The following SHISAL1 variants were observed in gnomAD, a reference collection of about 807,000 sequenced individuals.
SHISAL1 encodes shisa like 1.
Under a neutral mutation model 22.6 loss-of-function variants are expected in SHISAL1, and 9 were observed. The observed-to-expected ratio is 0.40, with a 90% CI of 0.24 to 0.70. The LOEUF (loss-of-function observed/expected upper bound fraction) is 0.70, where lower values mean the gene tolerates loss of function less well. SHISAL1 is among the 30% of genes least tolerant of loss of function. The pLI is 0.39. For synonymous variants in SHISAL1, 119 were observed against 115.4 expected, an observed-to-expected ratio of 1.03 and a Z score of -0.20; for missense variants, 246 against 270.6, an observed-to-expected ratio of 0.91 and a Z score of 0.64.
Position 44,246,465 on chromosome 22 carries a change from G to GCTAAAAAACAGTAACT in SHISAL1, c.*3204_*3219dup, listed in dbSNP as rs1165186877. The GCTAAAAAACAGTAACT allele has an allele frequency of 1.3e-5, 2 of 152,118 alleles. No individual in the cohort carries two copies. Among genetic ancestry groups the GCTAAAAAACAGTAACT allele is most frequent in the African/African-American group, 4.8e-5 (2 of 41,410 alleles). The allele number at this position is 152,118 out of a possible 1,614,324, so 9.4% of individuals were successfully genotyped here. A position where few individuals can be genotyped will look rare whatever the true frequency, so the allele number is the denominator to read the frequency against. On this transcript the variant is annotated 3_prime_UTR_variant, in exon 5 of 5. Transcript: ENST00000381176. ...GCAGCTTAAAAAATCAGGTTGAGTT[G>GCTAAAAAACAGTAACT]CTAAAAAACAGTAACTCTAGCTATG...
At chr22:44,259,225 C>T (rs1285250314) in intron 4 of SHISAL1, among the ~76,000 whole-genome samples, 2 of 152,118 alleles carry the variant, frequency 1.3e-5, no homozygotes, top group South Asian at 4.1e-4. Flanking sequence ...GGGCGGATCA[C>T]GAGGTCAGGA....
intron 4 of SHISAL1, among the ~76,000 whole-genome samples, chr22:44,284,207 G>A (rs907867674): frequency 6.6e-6 from 1 of 151,992 alleles, no homozygotes; most frequent in Non-Finnish European, 1.5e-5. Context: ...CTATGTGAAC[G>A]ATCACTAACT....
At chr22:44,253,133 A>C (rs1345117257) in intron 4 of SHISAL1, among the ~76,000 whole-genome samples, 1 of 152,218 alleles carries the variant, frequency 6.6e-6, no homozygotes, top group Non-Finnish European at 1.5e-5. Flanking sequence ...TTAAAATGAT[A>C]AACGTTATGT....
At chr22:44,286,662 C>T (rs1443191390) in intron 3 of SHISAL1, among the ~76,000 whole-genome samples, 5 of 152,212 alleles carry the variant, frequency 3.3e-5, no homozygotes, top group Non-Finnish European at 7.3e-5. Context: ...GTCTTCTGGC[C>T]CACAGCCCTG....
chr22:44,329,284 A>C, the SHISAL1 span, among the ~76,000 whole-genome samples: 2 of 152,104 alleles, frequency 1.3e-5, no homozygotes, highest in African/African-American at 2.4e-5. Context: ...AGTGGCTCTC[A>C]GCTGGTCTCA....
At chr22:44,306,844 C>T (rs2055481996) in intron 1 of SHISAL1, among the ~76,000 whole-genome samples, 1 of 143,684 alleles carries the variant, frequency 7.0e-6, no homozygotes, top group African/African-American at 2.6e-5. Context: ...GCTCGGGGAG[C>T]TGTGATGACG....
chr22:44,318,345 G>A, the SHISAL1 span, among the ~76,000 whole-genome samples: 1 of 152,270 alleles, frequency 6.6e-6, no homozygotes, highest in South Asian at 2.1e-4. Flanking sequence ...AATTTCTGGG[G>A]AATGGAGAGG....
At chr22:44,324,649 T>C in the SHISAL1 span, among the ~76,000 whole-genome samples, 2 of 152,220 alleles carry the variant, frequency 1.3e-5, no homozygotes, top group African/African-American at 4.8e-5. Context: ...AGGGGTTATA[T>C]AACTTGCCCA....
At chr22:44,279,611 C>T (rs576332453) in intron 4 of SHISAL1, among the ~76,000 whole-genome samples, 18 of 152,240 alleles carry the variant, frequency 1.2e-4, no homozygotes, top group East Asian at 3.9e-4. Flanking sequence ...GGGTTCTAGG[C>T]GCAGGGAGAA....
intron 3 of SHISAL1, among the ~76,000 whole-genome samples, chr22:44,287,042 A>G (rs545057427): frequency 6.6e-6 from 1 of 151,714 alleles, no homozygotes; most frequent in Non-Finnish European, 1.5e-5. Context: ...TCTCGCGGGC[A>G]GCAGATCCTT....
intron 1 of SHISAL1, among the ~76,000 whole-genome samples, chr22:44,308,480 C>T (rs1391217097): frequency 2.0e-5 from 3 of 152,248 alleles, no homozygotes; most frequent in East Asian, 1.9e-4. Context: ...TCATGCTGTT[C>T]CCCTGTGCTA....
intron 3 of SHISAL1, among the ~76,000 whole-genome samples, chr22:44,289,782 T>G (rs2055340836): frequency 6.6e-6 from 1 of 152,222 alleles, no homozygotes; most frequent in Admixed American, 6.5e-5. Context: ...AAAACTTTTG[T>G]AAATGTAATG....
At chr22:44,292,607 G>T (rs1428338974) in intron 3 of SHISAL1, among the ~76,000 whole-genome samples, 1 of 152,212 alleles carries the variant, frequency 6.6e-6, no homozygotes, top group Non-Finnish European at 1.5e-5. Context: ...CACAGAGGTG[G>T]ACTCTACCTG....
chr22:44,300,916 G>A lies in SHISAL1; in HGVS notation c.30C>T (p.Asn10=), dbSNP rs998343799. 9.3e-6 allele frequency: 15 copies of A among 1,614,036 alleles called. No homozygotes were observed. Among genetic ancestry groups the A allele is most frequent in the African/African-American group, 2.7e-5 (2 of 74,946 alleles). The stretch of plus-strand genomic sequence containing the variant: ...GCAATGAGAAGAGGACGGCGAGCAC[G>A]TTCAAGGACTGCTGGCCACAACTGG... MTSCGQQSL[N]VLAVLFSLLF... is the part of the protein sequence containing the mutation. Residue 10 remains asparagine, a synonymous_variant, in exon 2 of 5, where the codon AAC becomes AAT. Transcript: ENST00000381176.
At chr22:44,253,236 A>C (rs4518064) in intron 4 of SHISAL1, among the ~76,000 whole-genome samples, 19,249 of 152,150 alleles carry the variant, frequency 0.13, 1,365 homozygotes, top group East Asian at 0.31. Flanking sequence ...TAATATCAGA[A>C]AAAGCTGAAG....
At chr22:44,271,315 C>A (rs902692557) in intron 4 of SHISAL1, among the ~76,000 whole-genome samples, 1 of 152,170 alleles carries the variant, frequency 6.6e-6, no homozygotes, top group African/African-American at 2.4e-5. Flanking sequence ...AAGCCATAGG[C>A]CCCAGCACAC....
chr22:44,284,229 T>G (rs1479253134), intron 4 of SHISAL1, among the ~76,000 whole-genome samples: 1 of 152,158 alleles, frequency 6.6e-6, no homozygotes, highest in Admixed American at 6.5e-5. Flanking sequence ...ACGTCATTGC[T>G]GCCTCCAAAG....
intron 4 of SHISAL1, among the ~76,000 whole-genome samples, chr22:44,260,922 G>GGATA (rs2055118344): frequency 6.6e-6 from 1 of 151,914 alleles, no homozygotes; most frequent in African/African-American, 2.4e-5. Flanking sequence ...CACTCCCTGG[G>GGATA]GATACATCTC....
chr22:44,254,280 T>G (rs1344677824), intron 4 of SHISAL1, among the ~76,000 whole-genome samples: 1 of 151,582 alleles, frequency 6.6e-6, no homozygotes, highest in South Asian at 2.1e-4. Flanking sequence ...ACAGTAGCAA[T>G]AAGTAAATGA....
Sources: gnomAD v4.1 joint callset for allele counts (sites outside exome capture counted in the v4.1 genomes callset) on GRCh38, gnomAD v4.1.1 for gene constraint, MANE v1.5 for transcripts, NCBI Gene and HGNC (gene_info 2026-07-23, HGNC 2026-07-21) for gene names.